The following LRP6 variants were observed in gnomAD, a reference collection of about 807,000 sequenced individuals.
LRP6 encodes LDL receptor related protein 6, also known as low-density lipoprotein receptor-related protein 6.
A neutral mutation model predicts 184.1 loss-of-function variants in LRP6; 43 were observed. That is an observed-to-expected ratio of 0.23 (90% CI 0.18 to 0.30). The LOEUF is 0.30. Ranked by LOEUF, LRP6 falls within the 10% of genes least tolerant of loss-of-function variation. LRP6 has a pLI of 1.00. For missense variants in LRP6, 1,571 were observed against 2,005.3 expected, an observed-to-expected ratio of 0.78 and a Z score of 4.14; for synonymous variants, 719 against 684.9, an observed-to-expected ratio of 1.05 and a Z score of -0.78.
rs770911997 is a variant in LRP6 at position 12,181,308 on chromosome 12, C to T, written c.1108G>A (p.Val370Met). 3.7e-6 allele frequency: 6 copies of T among 1,614,028 alleles called. No individual in the cohort carries two copies. Among genetic ancestry groups the T allele is most frequent in the Non-Finnish European group, 4.2e-6 (5 of 1,180,018 alleles). The part of the protein sequence containing the change: ...RHAIAIDYDP[V>M]EGYIYWTDDE... ...TCAGTCCAGTAGATGTAGCCTTCCACAGGATCGTAATCTATGGCAATGGCA... is the reference window on the plus strand; with the variant it reads ...TCAGTCCAGTAGATGTAGCCTTCCATAGGATCGTAATCTATGGCAATGGCA... Residue 370 changes from valine (V) to methionine (M), a missense_variant, in exon 6 of 23, where the codon GTG becomes ATG. By Grantham distance (21) the Val-to-Met change is conservative (BLOSUM62 1). Coordinates refer to ENST00000261349, the MANE Select transcript of LRP6 (RefSeq NM_002336.3).
intron 2 of LRP6, among the ~76,000 whole-genome samples, chr12:12,230,795 A>C (rs1050833100): frequency 1.3e-5 from 2 of 152,216 alleles, no homozygotes; most frequent in Admixed American, 1.3e-4. Flanking sequence ...TTGTACATAT[A>C]CACAAAATAA....
At chr12:12,122,120 A>G (rs1355321257) in intron 22 of LRP6, among the ~76,000 whole-genome samples, 2 of 152,206 alleles carry the variant, frequency 1.3e-5, no homozygotes, top group African/African-American at 4.8e-5. Flanking sequence ...TCTAATGTAT[A>G]TTTCAGAGGC....
intron 7 of LRP6, among the ~76,000 whole-genome samples, chr12:12,179,047 C>T (rs1863266600): frequency 6.6e-6 from 1 of 152,168 alleles, no homozygotes; most frequent in Non-Finnish European, 1.5e-5. Context: ...TAACTCTGTT[C>T]TATCTATGTG....
intron 1 of LRP6, among the ~76,000 whole-genome samples, chr12:12,254,506 G>A (rs768744341): frequency 8.5e-5 from 13 of 152,182 alleles, no homozygotes; most frequent in South Asian, 2.1e-4. Context: ...TTTGTAAACC[G>A]AAATAAACAC....
At chr12:12,213,661 G>T (rs144147597) in intron 2 of LRP6, among the ~76,000 whole-genome samples, 1 of 151,892 alleles carries the variant, frequency 6.6e-6, no homozygotes, top group Admixed American at 6.6e-5. Context: ...AAATGTATCT[G>T]AAGTATGACA....
intron 3 of LRP6, among the ~76,000 whole-genome samples, chr12:12,189,340 A>G (rs373516355): frequency 1.3e-5 from 2 of 152,130 alleles, no homozygotes; most frequent in African/African-American, 2.4e-5. Flanking sequence ...GCTACTTAAC[A>G]CTTTCGTTAA....
intron 6 of LRP6, among the ~76,000 whole-genome samples, chr12:12,180,236 ACTT>A (rs1461551004): frequency 5.5e-4 from 71 of 128,674 alleles, no homozygotes; most frequent in Middle Eastern, 3.9e-3. Context: ...TTACAGTTTT[ACTT>A]CTTTTTTTTT....
At chr12:12,231,180 CAA>C (rs10661340) in intron 2 of LRP6, among the ~76,000 whole-genome samples, 2 of 23,558 alleles carry the variant, frequency 8.5e-5, no homozygotes, top group African/African-American at 4.5e-4. Context: ...GACTCCATCT[CAA>C]AAAAAAAAAA....
chr12:12,241,704 C>G (rs1297887523), intron 2 of LRP6, among the ~76,000 whole-genome samples: 8 of 152,250 alleles, frequency 5.3e-5, no homozygotes, highest in Admixed American at 5.2e-4. Context: ...AAAAATAATA[C>G]AAAATATTTC....
At chr12:12,155,333 T>C in intron 12 of LRP6, 1 of 759,048 alleles carries the variant, frequency 1.3e-6, no homozygotes, top group Non-Finnish European at 2.4e-6. Flanking sequence ...AGCATGGAGT[T>C]GTTCCTTTGG....
chr12:12,163,962 A>C (rs935413420), intron 9 of LRP6, among the ~76,000 whole-genome samples: 1 of 151,944 alleles, frequency 6.6e-6, no homozygotes, highest in Non-Finnish European at 1.5e-5. Flanking sequence ...AAACCCCGTC[A>C]CTACTAAAAA....
At position 12,130,819 on chromosome 12, in the gene LRP6, C is replaced by T; in HGVS notation, c.4045G>A (p.Val1349Met). Residue 1349 changes from valine to methionine, a missense_variant, in exon 19 of 23, where the codon GTG becomes ATG. Transcript: ENST00000261349. ...IGKHKKCDHN[V>M]DCSDKSDELD... Reference sequence around the variant, plus strand: ...TCATCTGACTTGTCACTGCAATCCACATTATGATCACACTTCTTGTGCTTT... The same window carrying T: ...TCATCTGACTTGTCACTGCAATCCATATTATGATCACACTTCTTGTGCTTT... 1.9e-6 allele frequency: 3 copies of T among 1,613,606 alleles called. No individual in the cohort carries two copies. The highest frequency in any genetic ancestry group is 1.7e-6 in the Non-Finnish European group (2 of 1,179,520).
At chr12:12,216,110 A>G (rs1864336593) in intron 2 of LRP6, among the ~76,000 whole-genome samples, 2 of 152,178 alleles carry the variant, frequency 1.3e-5, no homozygotes, top group South Asian at 4.1e-4. Context: ...ATGGTCTTCT[A>G]TACCTCTCCT....
At chr12:12,257,584 G>GAA (rs369886658) in intron 1 of LRP6, among the ~76,000 whole-genome samples, 5 of 62,504 alleles carry the variant, frequency 8.0e-5, no homozygotes, top group African/African-American at 2.2e-4. Context: ...CCCTCTCAAG[G>GAA]AAAAAAAAAA....
At chr12:12,235,004 G>T (rs539931220) in intron 2 of LRP6, among the ~76,000 whole-genome samples, 4 of 152,282 alleles carry the variant, frequency 2.6e-5, no homozygotes, top group African/African-American at 9.6e-5. Context: ...AAAAAAGGGG[G>T]TAGGAGATGG....
intron 17 of LRP6, among the ~76,000 whole-genome samples, chr12:12,134,717 G>A (rs1591871412): frequency 6.6e-6 from 1 of 152,134 alleles, no homozygotes; most frequent in Non-Finnish European, 1.5e-5. Context: ...ACAGGAGGTA[G>A]AATTAATTCA....
chr12:12,178,004 C>A (rs973611026), intron 7 of LRP6, among the ~76,000 whole-genome samples: 1 of 152,062 alleles, frequency 6.6e-6, no homozygotes, highest in Non-Finnish European at 1.5e-5. Flanking sequence ...AATGACACCA[C>A]TGTATGTATG....
intron 12 of LRP6, among the ~76,000 whole-genome samples, chr12:12,152,880 C>A (rs749539312): frequency 6.6e-6 from 1 of 152,180 alleles, no homozygotes; most frequent in Non-Finnish European, 1.5e-5. Flanking sequence ...CAAAGGAAAT[C>A]AGTACTCACA....
chr12:12,171,658 T>G (rs1248169941), intron 7 of LRP6, among the ~76,000 whole-genome samples: 1 of 152,228 alleles, frequency 6.6e-6, no homozygotes, highest in East Asian at 1.9e-4. Flanking sequence ...TTAAACAATA[T>G]CTGACTGTGA....
Sources: gnomAD v4.1 joint callset for allele counts (sites outside exome capture counted in the v4.1 genomes callset) on GRCh38, gnomAD v4.1.1 for gene constraint, MANE v1.5 for transcripts, NCBI Gene and HGNC (gene_info 2026-07-23, HGNC 2026-07-21) for gene names.